Variants in MYT1L observed in about 807,000 individuals in gnomAD.
MYT1L encodes myelin transcription factor 1 like, also known as myelin transcription factor 1-like protein.
A neutral mutation model predicts 126.7 loss-of-function variants in MYT1L; 12 were observed. The ratio of observed to expected loss-of-function variants is 0.09; its 90% confidence interval spans 0.06 to 0.15. The LOEUF is 0.15. Among genes scored for constraint, MYT1L ranks in the 10% least tolerant of loss-of-function variants. The pLI is 1.00. For synonymous variants in MYT1L, 541 were observed against 604.2 expected (o/e 0.90, Z 1.53); for missense variants, 979 against 1,585.2 (o/e 0.62, Z 6.49).
intron 9 of MYT1L, among the ~76,000 whole-genome samples, chr2:1,933,971 T>A (rs1198601133): frequency 1.4e-5 from 2 of 139,172 alleles, no homozygotes; most frequent in African/African-American, 2.7e-5. Context: ...TAATTTTGAT[T>A]TTTTTTTTTT....
At chr2:2,327,896 T>C (rs930551535) in intron 1 of MYT1L, among the ~76,000 whole-genome samples, 3 of 152,194 alleles carry the variant, frequency 2.0e-5, no homozygotes, top group African/African-American at 4.8e-5. Context: ...CACTAAAATA[T>C]ATAACAAGTA....
At chr2:1,948,107 G>A (rs765731732) in intron 8 of MYT1L, among the ~76,000 whole-genome samples, 2 of 152,174 alleles carry the variant, frequency 1.3e-5, no homozygotes, top group Admixed American at 6.5e-5. Flanking sequence ...CCCGTGGTGG[G>A]AACTTTCTGA....
intron 2 of MYT1L, among the ~76,000 whole-genome samples, chr2:2,205,262 TATA>T: frequency 6.6e-6 from 1 of 151,798 alleles, no homozygotes; most frequent in Non-Finnish European, 1.5e-5. Context: ...AAACGTAAAG[TATA>T]ATAATAAAAT....
intron 1 of MYT1L, among the ~76,000 whole-genome samples, chr2:2,307,372 A>G (rs2095872278): frequency 1.3e-5 from 2 of 152,200 alleles, no homozygotes; most frequent in African/African-American, 4.8e-5. Flanking sequence ...GCTACTATTA[A>G]AAGTCCAGAA....
At position 1,962,573 on chromosome 2, in the gene MYT1L, A is replaced by G. The variant is rs575245220; in HGVS notation, c.152+16592T>C. Among the ~76,000 whole-genome samples the G allele has an allele frequency of 1.1e-3, 164 of 152,328 alleles. 1 individual carries two copies. Among genetic ancestry groups the G allele is most frequent in the Non-Finnish European group, 1.9e-3 (129 of 68,024 alleles). On this transcript the variant is annotated intron_variant, in intron 8 of 24. Transcript: ENST00000647738. ...ACATCGATCGAGACTTCCTTTCAAG[A>G]AAGATTTCTCTGTAGCACATGGTGC...
chr2:2,304,913 T>C (rs2095839104), intron 1 of MYT1L, among the ~76,000 whole-genome samples: 1 of 152,228 alleles, frequency 6.6e-6, no homozygotes, highest in Non-Finnish European at 1.5e-5. Context: ...ACATGGGCTC[T>C]TGAGCCCTGG....
intron 3 of MYT1L, among the ~76,000 whole-genome samples, chr2:2,171,208 T>C (rs2090008257): frequency 6.6e-6 from 1 of 152,148 alleles, no homozygotes; most frequent in African/African-American, 2.4e-5. Flanking sequence ...AAAATGGACA[T>C]CTCTCAAAAT....
intron 3 of MYT1L, among the ~76,000 whole-genome samples, chr2:2,161,267 T>C (rs1043053526): frequency 1.3e-5 from 2 of 152,180 alleles, no homozygotes; most frequent in African/African-American, 4.8e-5. Context: ...TGTGAGACCA[T>C]ATGGGAAATG....
chr2:2,287,565 G>A lies in MYT1L; in HGVS notation c.-520-3062C>T, dbSNP rs532940480. On this transcript the variant is annotated intron_variant, in intron 1 of 24. Coordinates refer to ENST00000647738, the MANE Select transcript of MYT1L (RefSeq NM_001303052.2). ...ATAAATACTGTATTTACTGAAGATGGGAAAGTGGCAATTTCAGGAGCACAG... is the reference window on the plus strand; with the variant it reads ...ATAAATACTGTATTTACTGAAGATGAGAAAGTGGCAATTTCAGGAGCACAG... 2.1e-4 allele frequency among the ~76,000 whole-genome samples: 32 copies of A among 152,164 alleles called. No homozygotes were observed. The East Asian group carries it at 5.6e-3, about 27-fold the overall frequency.
At chr2:2,183,364 C>T (rs1006020578) in intron 2 of MYT1L, among the ~76,000 whole-genome samples, 1 of 151,980 alleles carries the variant, frequency 6.6e-6, no homozygotes, top group Non-Finnish European at 1.5e-5. Context: ...GAATAAGTTC[C>T]CACGGGAGGG....
chr2:2,070,417 A>G (rs2074461637), intron 3 of MYT1L, among the ~76,000 whole-genome samples: 1 of 152,192 alleles, frequency 6.6e-6, no homozygotes, highest in South Asian at 2.1e-4. Context: ...CTTGCTTCTC[A>G]GCTCACAGCC....
chr2:2,087,589 T>C (rs2076483487), intron 3 of MYT1L, among the ~76,000 whole-genome samples: 1 of 152,228 alleles, frequency 6.6e-6, no homozygotes, highest in African/African-American at 2.4e-5. Flanking sequence ...TTTTCAAAAG[T>C]ATTTTAGAAT....
chr2:2,121,842 G>A (rs1343781202), intron 3 of MYT1L, among the ~76,000 whole-genome samples: 3 of 152,118 alleles, frequency 2.0e-5, no homozygotes, highest in Admixed American at 6.5e-5. Context: ...TTTGCTACTG[G>A]AGCCCAGGAG....
intron 1 of MYT1L, among the ~76,000 whole-genome samples, chr2:2,298,964 T>C (rs922033093): frequency 1.3e-5 from 2 of 152,334 alleles, no homozygotes; most frequent in South Asian, 4.1e-4. Context: ...GTGCTTCTCC[T>C]GCCTCAGCTT....
At chr2:1,836,329 C>T (rs1235163940) in intron 21 of MYT1L, among the ~76,000 whole-genome samples, 2 of 142,352 alleles carry the variant, frequency 1.4e-5, no homozygotes, top group Non-Finnish European at 1.5e-5. Flanking sequence ...CATCAACGTG[C>T]ACTCCAAGAT....
At chr2:1,993,093 C>G (rs2061566447) in intron 5 of MYT1L, among the ~76,000 whole-genome samples, 1 of 152,236 alleles carries the variant, frequency 6.6e-6, no homozygotes, top group Non-Finnish European at 1.5e-5. Flanking sequence ...CTTAAAAACT[C>G]TGCTCCTTGA....
chr2:1,790,107 C>T lies in MYT1L; in HGVS notation c.*1760G>A, dbSNP rs2031787892. ...AGGTTCAGTGTCACAAGGCTACTGA[C>T]ACGAGGAATTGCACACCTCCGTACG... On this transcript the variant is annotated 3_prime_UTR_variant, in exon 25 of 25. Transcript: ENST00000647738. 6.6e-6 allele frequency: 1 copy of T among 152,180 alleles called. No homozygotes were observed. The highest frequency in any genetic ancestry group is 2.4e-5 in the African/African-American group (1 of 41,454). 9.4% of individuals were successfully genotyped at this position (152,180 alleles called of 1,614,324 possible).
At chr2:1,797,085 T>C (rs1406041901) in intron 23 of MYT1L, among the ~76,000 whole-genome samples, 1 of 152,108 alleles carries the variant, frequency 6.6e-6, no homozygotes, top group Non-Finnish European at 1.5e-5. Context: ...AACCAAGGCT[T>C]GGGTGTGTCC....
chr2:2,241,580 C>G (rs2094441406), intron 2 of MYT1L, among the ~76,000 whole-genome samples: 1 of 152,154 alleles, frequency 6.6e-6, no homozygotes, highest in Admixed American at 6.5e-5. Context: ...CATAAGGTAG[C>G]AGATACAGGA....
Sources: gnomAD v4.1 joint callset for allele counts (sites outside exome capture counted in the v4.1 genomes callset) on GRCh38, gnomAD v4.1.1 for gene constraint, MANE v1.5 for transcripts, NCBI Gene and HGNC (gene_info 2026-07-23, HGNC 2026-07-21) for gene names.